ST13: variants seen among roughly 807,000 people sequenced by gnomAD.
The protein encoded by ST13 is hsc70-interacting protein.
In ST13, 23 loss-of-function variants were observed where a neutral mutation model predicts 56.7. That is an observed-to-expected ratio of 0.41 (90% CI 0.29 to 0.57). ST13 has a LOEUF of 0.57. Among genes scored for constraint, ST13 ranks in the 20% least tolerant of loss-of-function variants. ST13 has a pLI of 0.36. For missense variants in ST13, 369 were observed against 459.9 expected (o/e 0.80, Z 1.81); for synonymous variants, 132 against 142.4 (o/e 0.93, Z 0.52).
At chr22:40,835,013 G>A (rs1237974059) in intron 7 of ST13, among the ~76,000 whole-genome samples, 3 of 152,146 alleles carry the variant, frequency 2.0e-5, no homozygotes, top group Non-Finnish European at 4.4e-5. Context: ...ATATTCCTAA[G>A]TTTTGCTGCA....
intron 5 of ST13, among the ~76,000 whole-genome samples, chr22:40,838,387 G>T (rs2057787350): frequency 6.6e-6 from 1 of 152,118 alleles, no homozygotes; most frequent in East Asian, 1.9e-4. Flanking sequence ...TGAACAGAGA[G>T]TTCAGAAAAA....
chr22:40,840,615 A>G lies in ST13; in HGVS notation c.382+11T>C. 10 of 1,606,020 alleles carry G rather than the reference A, an allele frequency of 6.2e-6. No homozygotes were observed. Among genetic ancestry groups the G allele is most frequent in the Non-Finnish European group, 8.5e-6 (10 of 1,177,416 alleles). On this transcript the variant is annotated intron_variant, in intron 5 of 11. Coordinates refer to ENST00000216218, the MANE Select transcript of ST13 (RefSeq NM_003932.5). ...TGACTACCATAGAAATGTAGCAAAA[A>G]GATTACTCACCATCATTTAGGGCTT... is the stretch of plus-strand genomic sequence containing the variant.
intron 2 of ST13, among the ~76,000 whole-genome samples, chr22:40,849,395 G>A (rs766772161): frequency 2.7e-5 from 4 of 149,994 alleles, no homozygotes; most frequent in Non-Finnish European, 4.4e-5. Context: ...GGAGAAGGGC[G>A]TGAACCTGGG....
intron 2 of ST13, among the ~76,000 whole-genome samples, chr22:40,850,556 G>A (rs572661413): frequency 6.6e-6 from 1 of 152,306 alleles, no homozygotes; most frequent in South Asian, 2.1e-4. Context: ...CCATCACGGA[G>A]CTTACCACTT....
intron 1 of ST13, among the ~76,000 whole-genome samples, chr22:40,855,785 A>G (rs566642410): frequency 6.6e-6 from 1 of 152,252 alleles, no homozygotes; most frequent in East Asian, 1.9e-4. Context: ...AGTACTCTAC[A>G]GTTAAAGACA....
At chr22:40,834,984 C>G (rs1249717565) in intron 7 of ST13, among the ~76,000 whole-genome samples, 1 of 152,220 alleles carries the variant, frequency 6.6e-6, no homozygotes, top group African/African-American at 2.4e-5. Flanking sequence ...TCACTGAACA[C>G]TTCATTCCCA....
At position 40,853,842 on chromosome 22, in the gene ST13, C is replaced by G. The variant is rs17002215; in HGVS notation, c.110+2589G>C. Among the ~76,000 whole-genome samples the G allele has an allele frequency of 7.4e-3, 1,133 of 152,236 alleles. 114 individuals carry two copies. The East Asian group carries it at 0.2, about 27-fold the overall frequency. ...ACCATCAAGTAAAGCCATGAAACCA[C>G]ATACAAGATACTAAATTGTTAAACG... On this transcript the variant is annotated intron_variant, in intron 1 of 11. Coordinates refer to ENST00000216218, the MANE Select transcript of ST13 (RefSeq NM_003932.5).
chr22:40,829,900 G>A (rs898093727), intron 9 of ST13, among the ~76,000 whole-genome samples: 2 of 151,936 alleles, frequency 1.3e-5, no homozygotes, highest in African/African-American at 4.8e-5. Context: ...CTTCTACTCT[G>A]GAAACAAGTA....
chr22:40,854,733 T>C (rs1380349889), intron 1 of ST13: 1 of 152,214 alleles, frequency 6.6e-6, no homozygotes, highest in Non-Finnish European at 1.5e-5. Flanking sequence ...GTGATACTTG[T>C]CTACGTTACC....
At chr22:40,852,763 T>C (rs143494995) in intron 1 of ST13, among the ~76,000 whole-genome samples, 83 of 152,310 alleles carry the variant, frequency 5.4e-4, no homozygotes, top group South Asian at 2.9e-3. Flanking sequence ...AACAGGCATA[T>C]AGACACCACA....
intron 3 of ST13, among the ~76,000 whole-genome samples, chr22:40,846,106 T>A (rs919605699): frequency 6.6e-6 from 1 of 152,086 alleles, no homozygotes; most frequent in East Asian, 1.9e-4. Flanking sequence ...CTGGCTAATT[T>A]TGTATTTTTA....
chr22:40,838,768 T>C (rs1602655010), intron 5 of ST13, among the ~76,000 whole-genome samples: 1 of 151,996 alleles, frequency 6.6e-6, no homozygotes, highest in East Asian at 1.9e-4. Flanking sequence ...CTCTTAAAAT[T>C]TAGGTGGTAG....
At chr22:40,849,754 AG>A (rs1169635152) in intron 2 of ST13, among the ~76,000 whole-genome samples, 1 of 152,100 alleles carries the variant, frequency 6.6e-6, no homozygotes, top group African/African-American at 2.4e-5. Flanking sequence ...TTTAAAAAAA[AG>A]GTAACTACTT....
At chr22:40,854,317 A>G (rs1281963651) in intron 1 of ST13, among the ~76,000 whole-genome samples, 1 of 152,238 alleles carries the variant, frequency 6.6e-6, no homozygotes, top group Non-Finnish European at 1.5e-5. Flanking sequence ...TACAGAAATA[A>G]AGAGAAAAAG....
intron 11 of ST13, among the ~76,000 whole-genome samples, chr22:40,826,894 C>T (rs1342669954): frequency 6.8e-6 from 1 of 147,078 alleles, no homozygotes; most frequent in Non-Finnish European, 1.5e-5. Context: ...GATATAATTG[C>T]CGATTGCTAA....
chr22:40,846,177 C>G (rs542760707), intron 3 of ST13, among the ~76,000 whole-genome samples: 80 of 151,936 alleles, frequency 5.3e-4, no homozygotes, highest in African/African-American at 1.9e-3. Context: ...CTCAGGTGGT[C>G]CACCCGCCTC....
At chr22:40,846,726 C>T (rs2057833185) in intron 3 of ST13, among the ~76,000 whole-genome samples, 2 of 152,172 alleles carry the variant, frequency 1.3e-5, no homozygotes, top group South Asian at 4.1e-4. Flanking sequence ...GGCGTGGTGG[C>T]TCACACCTGT....
intron 3 of ST13, among the ~76,000 whole-genome samples, chr22:40,846,555 G>T (rs1016011871): frequency 6.6e-6 from 1 of 152,162 alleles, no homozygotes; most frequent in African/African-American, 2.4e-5. Flanking sequence ...ACTTTTAGGT[G>T]GAGAGTTGGT....
intron 5 of ST13, among the ~76,000 whole-genome samples, chr22:40,838,417 G>A (rs1026860078): frequency 3.3e-5 from 5 of 152,138 alleles, no homozygotes; most frequent in African/African-American, 1.2e-4. Context: ...ACAAAAACAT[G>A]ATTAGGTGAT....
Sources: allele counts gnomAD v4.1 joint callset (sites outside exome capture counted in the v4.1 genomes callset), GRCh38; gene constraint gnomAD v4.1.1; transcripts MANE v1.5; gene names NCBI Gene and HGNC (gene_info 2026-07-23, HGNC 2026-07-21).